DHRS11: variants seen among roughly 807,000 people sequenced by gnomAD.
The protein encoded by DHRS11 is dehydrogenase/reductase 11, also known as dehydrogenase/reductase SDR family member 11.
A neutral mutation model predicts 30.7 loss-of-function variants in DHRS11; 18 were observed. The observed-to-expected ratio is 0.59, with a 90% confidence interval of 0.41 to 0.87. The LOEUF (loss-of-function observed/expected upper bound fraction) is 0.87. DHRS11 is among the 40% of genes least tolerant of loss of function. The pLI is 0.00. For synonymous variants in DHRS11, 123 were observed against 139.6 expected, an observed-to-expected ratio of 0.88 and a Z score of 0.84; for missense variants, 300 against 349.0, an observed-to-expected ratio of 0.86 and a Z score of 1.12.
At position 36,600,372 on chromosome 17, in the gene DHRS11, T is replaced by C; in HGVS notation, c.*169T>C. ...ATATCATCTTGTCAAATTGCTTCAG[T>C]TGTAAATGTGAAAAATGGGCTGGGG... On this transcript the variant is annotated 3_prime_UTR_variant, in exon 7 of 7. Transcript: ENST00000618403. 1 of 764,570 alleles carries C rather than the reference T, an allele frequency of 1.3e-6. No homozygotes were observed. Among genetic ancestry groups the C allele is most frequent in the Non-Finnish European group, 2.1e-6 (1 of 475,174 alleles). 47.4% of individuals were successfully genotyped at this position (764,570 alleles called of 1,614,324 possible).
intron 3 of DHRS11, chr17:36,598,550 C>T (rs904853253): frequency 3.7e-6 from 2 of 533,794 alleles, no homozygotes; most frequent in Admixed American, 3.4e-5. Flanking sequence ...ACAAAGAGTA[C>T]TATGTACAGT....
chr17:36,595,077 G>A lies in DHRS11; in HGVS notation c.254G>A (p.Arg85His), dbSNP rs148449399. Residue 85 changes from arginine (R) to histidine (H), a missense_variant, in exon 2 of 7, where the codon CGT (arginine) becomes CAT (histidine). By Grantham distance (29) the Arg-to-His change is conservative. Transcript: ENST00000618403. ...ATCCTCTCCATGTTCTCAGCTATCC[G>A]TTCTCAGCACAGCGGTGTAGACATC... is the stretch of plus-strand genomic sequence containing the variant. ...EDILSMFSAI[R>H]SQHSGVDICI... The A allele has an allele frequency of 3.8e-5, 61 of 1,614,064 alleles. No homozygotes were observed. The highest frequency in any genetic ancestry group is 4.0e-5 in the African/African-American group (3 of 74,912).
chr17:36,592,227 A>G lies in DHRS11; in HGVS notation c.147+71A>G. 8.1e-7 allele frequency: 1 copy of G among 1,231,084 alleles called. No homozygotes were observed. The highest frequency in any genetic ancestry group is 1.0e-6 in the Non-Finnish European group (1 of 986,302). The allele number at this position is 1,231,084 out of a possible 1,614,324, so 76.3% of individuals were successfully genotyped here. A position where few individuals can be genotyped will look rare whatever the true frequency, so the allele number is the denominator to read the frequency against. ...CCGGAGTCGGGTTCACCTGCCCGCC[A>G]CGCCGGGGCCCTTTGCTCTAGTCGG... On this transcript the variant is annotated intron_variant, in intron 1 of 6. Coordinates refer to ENST00000618403, the MANE Select transcript of DHRS11 (RefSeq NM_024308.4). This position sits in a 1 kb window ranked among gnomAD's most constrained non-coding sequence, Gnocchi z 4.4.
At chr17:36,593,483 T>C (rs1027679404) in intron 1 of DHRS11, among the ~76,000 whole-genome samples, 16 of 152,162 alleles carry the variant, frequency 1.1e-4, no homozygotes, top group Admixed American at 4.6e-4. Flanking sequence ...CGGGAAGATG[T>C]ACACCAGGGG....
intron 2 of DHRS11, chr17:36,596,874 A>G (rs1003719555): frequency 4.2e-6 from 2 of 470,874 alleles, no homozygotes; most frequent in African/African-American, 2.0e-5. Flanking sequence ...TGAAGCCATG[A>G]AAATGAAGCC....
At position 36,591,979 on chromosome 17, in the gene DHRS11, G is replaced by A; in HGVS notation, c.-31G>A. The A allele has an allele frequency of 8.2e-7, 1 of 1,224,290 alleles. No homozygotes were observed. Among genetic ancestry groups the A allele is most frequent in the Non-Finnish European group, 1.0e-6 (1 of 983,308 alleles). The allele number at this position is 1,224,290 out of a possible 1,614,324, so 75.8% of individuals were successfully genotyped here. ...GCTCCTCGACCCCCGTGTCGGGCTA[G>A]TCCAGCGAGGCGGACGGGCGGCGTG... is the stretch of plus-strand genomic sequence containing the variant. On this transcript the variant is annotated 5_prime_UTR_variant, in exon 1 of 7. Transcript: ENST00000618403.
At position 36,600,222 on chromosome 17, in the gene DHRS11, C is replaced by A. The variant is rs746858585; in HGVS notation, c.*19C>A. The A allele has an allele frequency of 6.2e-7, 1 of 1,614,140 alleles. No individual in the cohort carries two copies. The highest frequency in any genetic ancestry group is 1.1e-5 in the South Asian group (1 of 91,068). ...GACCTAGTGACTGTGGGAGCTCCTC[C>A]TTCCCTCCCCACCCTTCATGGCTTG... On this transcript the variant is annotated 3_prime_UTR_variant, in exon 7 of 7. Coordinates refer to ENST00000618403, the MANE Select transcript of DHRS11 (RefSeq NM_024308.4).
chr17:36,599,537 G>A (rs1275732312), intron 4 of DHRS11, 134 bp from the exon 5 acceptor site: 1 of 817,122 alleles, frequency 1.2e-6, no homozygotes, highest in African/African-American at 1.7e-5. Flanking sequence ...CAGCTTCGGA[G>A]GGAGGAGGCC....
chr17:36,599,017 G>A lies in DHRS11; in HGVS notation c.549G>A (p.Glu183=), dbSNP rs750681184. 6.2e-7 allele frequency: 1 copy of A among 1,612,856 alleles called. No homozygotes were observed. Among genetic ancestry groups the A allele is most frequent in the Non-Finnish European group, 8.5e-7 (1 of 1,180,006 alleles). ...CGCTGACAGAGGGACTGAGGCAAGA[G>A]CTTCGGGAGGCCCAGACCCACATCC... ...VTALTEGLRQ[E]LREAQTHIRA... The change falls in exon 4 of 7, where the codon GAG becomes GAA. Residue 183 remains glutamate, a synonymous_variant. Coordinates refer to ENST00000618403, the MANE Select transcript of DHRS11 (RefSeq NM_024308.4).
intron 2 of DHRS11, among the ~76,000 whole-genome samples, chr17:36,595,462 C>T (rs2074803939): frequency 7.3e-6 from 1 of 136,932 alleles, no homozygotes; most frequent in African/African-American, 2.8e-5. Context: ...CTTTGTCACC[C>T]AGGCTGGAGT....
Position 36,598,892 on chromosome 17 carries a change from T to TCC in DHRS11, c.453-28_453-27dup. 4 of 1,597,254 alleles carry TCC rather than the reference T, an allele frequency of 2.5e-6. No homozygotes were observed. The Admixed American group carries it at 5.1e-5, about 20-fold the overall frequency. On this transcript the variant is annotated intron_variant, in intron 3 of 6. Coordinates refer to ENST00000618403, the MANE Select transcript of DHRS11 (RefSeq NM_024308.4). ...CTGGTCTCCCTGGAACTTCATTCTC[T>TCC]CCTCTTTCCCCTTCCTCTCCCCACC...
chr17:36,597,593 A>G (rs2074821262), intron 2 of DHRS11: 1 of 160,092 alleles, frequency 6.2e-6, no homozygotes, highest in African/African-American at 2.4e-5. Flanking sequence ...GAAGGCATAG[A>G]AAGGAGGGTC....
intron 1 of DHRS11, 148 bp from the exon 2 acceptor site, chr17:36,594,823 G>A (rs1266404352): frequency 1.4e-5 from 10 of 730,384 alleles, no homozygotes; most frequent in South Asian, 1.0e-4. Flanking sequence ...CAGACTTAGG[G>A]GATGGGCAGT....
Position 36,599,601 on chromosome 17 carries a change from T to C in DHRS11, c.583-70T>C, listed in dbSNP as rs1264916625. The C allele has an allele frequency of 2.6e-6, 4 of 1,523,138 alleles. No individual in the cohort carries two copies. In the Admixed American group the frequency reaches 6.8e-5, roughly 26 times the overall value. 94.4% of individuals were successfully genotyped at this position (1,523,138 alleles called of 1,614,324 possible). On this transcript the variant is annotated intron_variant, in intron 4 of 6. Coordinates refer to ENST00000618403, the MANE Select transcript of DHRS11 (RefSeq NM_024308.4). Reference sequence around the variant, plus strand: ...TGAAGCTGGGGTTCTGTGGCCTCCATCCTCTCCCCTCGACCTCCCCAAGAC... The same window carrying C: ...TGAAGCTGGGGTTCTGTGGCCTCCACCCTCTCCCCTCGACCTCCCCAAGAC...
chr17:36,599,249 C>T (rs1200274984), intron 4 of DHRS11, 199 bp downstream of exon 4: 18 of 869,364 alleles, frequency 2.1e-5, no homozygotes, highest in South Asian at 7.9e-5. Flanking sequence ...CAGGAGCCAA[C>T]GACCAGACTT....
chr17:36,594,715 A>G, intron 1 of DHRS11: 1 of 574,182 alleles, frequency 1.7e-6, no homozygotes, highest in South Asian at 2.2e-5. Context: ...ACGCCCAGCC[A>G]GGACTTGAGT....
Position 36,595,108 on chromosome 17 carries a change from C to A in DHRS11, c.285C>A (p.Ile95=). Residue 95 remains isoleucine (I), a synonymous_variant, in exon 2 of 7, where the codon ATC becomes ATA. Coordinates refer to ENST00000618403, the MANE Select transcript of DHRS11 (RefSeq NM_024308.4). ...RSQHSGVDIC[I]NNAGLARPDT... ...AGCACAGCGGTGTAGACATCTGCAT[C>A]AACAATGCTGGCTTGGCCCGGCCTG... 1 of 1,614,186 alleles carries A rather than the reference C, an allele frequency of 6.2e-7. No individual in the cohort carries two copies. The highest frequency in any genetic ancestry group is 8.5e-7 in the Non-Finnish European group (1 of 1,180,032).
intron 2 of DHRS11, chr17:36,596,924 C>T (rs963856735): frequency 8.5e-6 from 4 of 470,072 alleles, no homozygotes; most frequent in African/African-American, 6.0e-5. Flanking sequence ...TCCTCACCCA[C>T]AGCACATGGG....
At position 36,592,017 on chromosome 17, in the gene DHRS11, G is replaced by A; in HGVS notation, c.8G>A (p.Arg3Lys). 2 of 1,228,662 alleles carry A rather than the reference G, an allele frequency of 1.6e-6. No individual in the cohort carries two copies. Among genetic ancestry groups the A allele is most frequent in the Non-Finnish European group, 2.0e-6 (2 of 985,586 alleles). 76.1% of individuals were successfully genotyped at this position (1,228,662 alleles called of 1,614,324 possible). The change falls in exon 1 of 7, where the codon AGG becomes AAG. Residue 3 changes from arginine (R) to lysine (K), a missense_variant. Transcript: ENST00000618403. The surrounding 1 kb of genome is among the most constrained non-coding windows in gnomAD (Gnocchi z 4.4). MA[R>K]PGMERWRDRL... ...GACGGGCGGCGTGGGCCCATGGCCA[G>A]GCCCGGCATGGAGCGGTGGCGCGAC...
Sources: gnomAD v4.1 joint callset for allele counts (sites outside exome capture counted in the v4.1 genomes callset) on GRCh38, gnomAD v4.1.1 for gene constraint, Gnocchi (gnomAD v3.1) non-coding constraint, MANE v1.5 for transcripts, NCBI Gene and HGNC (gene_info 2026-07-23, HGNC 2026-07-21) for gene names.